Variants in FRMD4A observed in about 807,000 individuals in gnomAD.
FRMD4A encodes the protein FERM domain containing 4A, also known as FERM domain-containing protein 4A.
A neutral mutation model predicts 129.1 loss-of-function variants in FRMD4A; 29 were observed. The ratio of observed to expected loss-of-function variants is 0.22; its 90% CI spans 0.17 to 0.31. FRMD4A has a LOEUF of 0.31. Among genes scored for constraint, FRMD4A ranks in the 10% least tolerant of loss-of-function variants. FRMD4A has a pLI of 1.00. For missense variants in FRMD4A, 1,272 were observed against 1,375.8 expected, an observed-to-expected ratio of 0.92 and a Z score of 1.19; for synonymous variants, 634 against 571.6, an observed-to-expected ratio of 1.11 and a Z score of -1.56.
At chr10:13,978,497 C>G (rs1386950439) in intron 2 of FRMD4A, among the ~76,000 whole-genome samples, 2 of 152,014 alleles carry the variant, frequency 1.3e-5, no homozygotes, top group Non-Finnish European at 2.9e-5. Flanking sequence ...AATCCGGGTT[C>G]CACTTCCTTG....
At chr10:14,235,213 G>T (rs1279862855) in intron 2 of FRMD4A, among the ~76,000 whole-genome samples, 2 of 148,760 alleles carry the variant, frequency 1.3e-5, no homozygotes, top group Admixed American at 6.8e-5. Context: ...GCAGTGGCGC[G>T]ATCTCGGCTC....
At chr10:14,023,087 C>G (rs1266683739) in intron 2 of FRMD4A, among the ~76,000 whole-genome samples, 1 of 152,054 alleles carries the variant, frequency 6.6e-6, no homozygotes, top group African/African-American at 2.4e-5. Context: ...TCCCTGTCTG[C>G]AGTTCAGTTT....
chr10:14,025,932 G>A (rs778501000), intron 2 of FRMD4A, among the ~76,000 whole-genome samples: 5 of 152,186 alleles, frequency 3.3e-5, no homozygotes, highest in Non-Finnish European at 7.4e-5. Context: ...TTTCAGGCCT[G>A]AGAAAATCTC....
intron 2 of FRMD4A, among the ~76,000 whole-genome samples, chr10:14,100,205 C>T (rs909594953): frequency 6.6e-6 from 1 of 152,158 alleles, no homozygotes; most frequent in Non-Finnish European, 1.5e-5. Flanking sequence ...AATTTAAAAT[C>T]ACTTATCGCA....
chr10:13,902,797 G>A lies in FRMD4A; in HGVS notation c.46-43885C>T, dbSNP rs573895099. Among the ~76,000 whole-genome samples the A allele has an allele frequency of 1.0e-4, 15 of 146,498 alleles. No homozygotes were observed. In the East Asian group the frequency reaches 3.0e-3, roughly 29 times the overall value. ...GGAGATTGCAGTGAGCCAAGATCACGCCACTGCACTCCAGCCTGGATGACA... is the reference window on the plus strand; with the variant it reads ...GGAGATTGCAGTGAGCCAAGATCACACCACTGCACTCCAGCCTGGATGACA... On this transcript the variant is annotated intron_variant, in intron 2 of 24. Coordinates refer to ENST00000357447, the MANE Select transcript of FRMD4A (RefSeq NM_018027.5).
intron 2 of FRMD4A, among the ~76,000 whole-genome samples, chr10:14,279,338 C>G (rs183378715): frequency 1.3e-5 from 2 of 151,872 alleles, no homozygotes; most frequent in Admixed American, 6.6e-5. Flanking sequence ...AGGTGCCCAC[C>G]ACCATATTTG....
At chr10:13,912,630 G>A (rs548177124) in intron 2 of FRMD4A, among the ~76,000 whole-genome samples, 2 of 146,996 alleles carry the variant, frequency 1.4e-5, no homozygotes, top group African/African-American at 2.5e-5. Flanking sequence ...CCGAGTTCAC[G>A]CCGTTTTCCT....
At chr10:13,746,355 C>A in intron 9 of FRMD4A, among the ~76,000 whole-genome samples, 1 of 152,086 alleles carries the variant, frequency 6.6e-6, no homozygotes, top group East Asian at 1.9e-4. Context: ...GGACACCAGG[C>A]GCGCGACATC....
intron 2 of FRMD4A, among the ~76,000 whole-genome samples, chr10:14,037,433 G>C (rs993219539): frequency 6.6e-6 from 1 of 152,144 alleles, no homozygotes; most frequent in Non-Finnish European, 1.5e-5. Flanking sequence ...GGCCAGGCTG[G>C]TCTTGAACTC....
At chr10:14,047,238 T>G (rs1052212024) in intron 2 of FRMD4A, among the ~76,000 whole-genome samples, 1 of 152,208 alleles carries the variant, frequency 6.6e-6, no homozygotes, top group African/African-American at 2.4e-5. Flanking sequence ...TTGATGGTCT[T>G]GCTTGGTGGA....
chr10:13,701,335 C>T lies in FRMD4A; in HGVS notation c.975+5G>A. 1.2e-6 allele frequency: 2 copies of T among 1,611,982 alleles called. No homozygotes were observed. The highest frequency in any genetic ancestry group is 1.7e-6 in the Non-Finnish European group (2 of 1,178,726). On this transcript the variant is annotated splice_donor_5th_base_variant and intron_variant, in intron 14 of 24. Coordinates refer to ENST00000357447, the MANE Select transcript of FRMD4A (RefSeq NM_018027.5). Reference sequence around the variant, plus strand: ...CCGGGCTTGGTGAGAGGTCTGGTCACTCACCTTACTCTGCTTTCTGTCCAG... The same window carrying T: ...CCGGGCTTGGTGAGAGGTCTGGTCATTCACCTTACTCTGCTTTCTGTCCAG...
chr10:13,794,125 T>G (rs2093062372), intron 5 of FRMD4A, among the ~76,000 whole-genome samples: 1 of 151,814 alleles, frequency 6.6e-6, no homozygotes, highest in South Asian at 2.1e-4. Flanking sequence ...CAGCAGAGAA[T>G]TAATGCACAT....
At chr10:13,974,170 G>A (rs2095532555) in intron 2 of FRMD4A, among the ~76,000 whole-genome samples, 1 of 151,990 alleles carries the variant, frequency 6.6e-6, no homozygotes, top group Non-Finnish European at 1.5e-5. Flanking sequence ...GAAGTAAAGT[G>A]ACTTTAAAAA....
chr10:13,863,083 C>T (rs934045810), intron 2 of FRMD4A, among the ~76,000 whole-genome samples: 1 of 152,010 alleles, frequency 6.6e-6, no homozygotes, highest in Non-Finnish European at 1.5e-5. Context: ...AACTGCCTTG[C>T]TACCATACAA....
chr10:13,959,893 G>A (rs530233477), intron 2 of FRMD4A, among the ~76,000 whole-genome samples: 1 of 152,288 alleles, frequency 6.6e-6, no homozygotes, highest in Non-Finnish European at 1.5e-5. Context: ...TCTCTATTTG[G>A]CCAAGAGAGA....
chr10:14,074,456 A>G (rs1040553102), intron 2 of FRMD4A: 30 of 152,228 alleles, frequency 2.0e-4, no homozygotes, highest in African/African-American at 7.2e-4. Context: ...AATCAGAATC[A>G]ACAGTTGAAA....
intron 2 of FRMD4A, among the ~76,000 whole-genome samples, chr10:14,012,640 G>T (rs913860813): frequency 6.6e-6 from 1 of 152,206 alleles, no homozygotes; most frequent in African/African-American, 2.4e-5. Context: ...GATGAAGCCA[G>T]TGCCCGCGCG....
intron 2 of FRMD4A, among the ~76,000 whole-genome samples, chr10:13,873,738 A>C (rs2131094621): frequency 6.6e-6 from 1 of 151,710 alleles, no homozygotes; most frequent in East Asian, 2.0e-4. Context: ...GTAGAGATGG[A>C]GTTTCACCAT....
intron 3 of FRMD4A, among the ~76,000 whole-genome samples, chr10:13,838,392 C>T (rs1009801601): frequency 1.3e-5 from 2 of 151,956 alleles, no homozygotes; most frequent in Non-Finnish European, 2.9e-5. Flanking sequence ...CCACGCCCAG[C>T]CACAATGTGC....
Sources: gnomAD v4.1 joint callset for allele counts (sites outside exome capture counted in the v4.1 genomes callset) on GRCh38, gnomAD v4.1.1 for gene constraint, MANE v1.5 for transcripts, NCBI Gene and HGNC (gene_info 2026-07-23, HGNC 2026-07-21) for gene names.